Variants in AMMECR1 observed in about 807,000 individuals in gnomAD.
The protein encoded by AMMECR1 is nuclear protein AMMECR1.
AMMECR1 carries 3 observed loss-of-function variants against 22.5 expected under a neutral mutation model. The ratio of observed to expected loss-of-function variants is 0.13; its 90% CI spans 0.06 to 0.35. The LOEUF is 0.35. Ranked by LOEUF, AMMECR1 falls within the 10% of genes least tolerant of loss-of-function variation. The pLI is 1.00. For missense variants in AMMECR1, 235 were observed against 278.7 expected (o/e 0.84, Z 1.12); for synonymous variants, 130 against 116.7 (o/e 1.11, Z -0.74).
intron 2 of AMMECR1, among the ~76,000 whole-genome samples, chrX:110,373,802 A>C (rs769242572): frequency 2.7e-5 from 3 of 111,938 alleles, no homozygotes; most frequent in Non-Finnish European, 5.6e-5. Flanking sequence ...ACACCAAATA[A>C]ATAGGCCAGA....
chrX:110,213,011 T>G (rs2067455356), intron 3 of AMMECR1, among the ~76,000 whole-genome samples: 2 of 112,390 alleles, frequency 1.8e-5, no homozygotes, highest in Admixed American at 1.9e-4. Context: ...TCTCATTATA[T>G]GTTTTTAATT....
intron 1 of AMMECR1, among the ~76,000 whole-genome samples, 175 bp from the exon 2 acceptor site, chrX:110,264,774 T>C (rs1378081007): frequency 8.9e-6 from 1 of 111,888 alleles, no homozygotes; most frequent in African/African-American, 3.2e-5. Context: ...TATATTATAC[T>C]ACTACTACAT....
intron 2 of AMMECR1, among the ~76,000 whole-genome samples, chrX:110,242,145 T>C (rs1033836835): frequency 9.0e-6 from 1 of 111,718 alleles, no homozygotes; most frequent in Non-Finnish European, 1.9e-5. Flanking sequence ...ACACAAAACT[T>C]GCACATCATC....
intron 3 of AMMECR1, among the ~76,000 whole-genome samples, chrX:110,212,126 T>A (rs762439910): frequency 8.9e-6 from 1 of 111,896 alleles, no homozygotes; most frequent in South Asian, 3.7e-4. Flanking sequence ...TCCTACTAAC[T>A]TCCATTATAA....
At chrX:110,319,941 A>G (rs2068072729), upstream of AMMECR1, among the ~76,000 whole-genome samples, 1 of 112,578 alleles carries the variant, frequency 8.9e-6, no homozygotes, top group South Asian at 3.7e-4. Context: ...TTTTATGGAA[A>G]GATTGAGAGA....
At chrX:110,272,098 C>G (rs1161051254) in intron 1 of AMMECR1, among the ~76,000 whole-genome samples, 1 of 109,598 alleles carries the variant, frequency 9.1e-6, no homozygotes, top group African/African-American at 3.3e-5. Context: ...CGCCTGTAGT[C>G]CCAGCTACTC....
intron 2 of AMMECR1, among the ~76,000 whole-genome samples, chrX:110,336,494 G>A (rs761935731): frequency 1.8e-5 from 2 of 110,513 alleles, no homozygotes; most frequent in Non-Finnish European, 1.9e-5. Flanking sequence ...GGCCAGCCTC[G>A]CCAACATGGT....
chrX:110,214,979 G>T (rs1430361276), intron 3 of AMMECR1, among the ~76,000 whole-genome samples: 1 of 111,537 alleles, frequency 9.0e-6, no homozygotes, highest in African/African-American at 3.3e-5. Flanking sequence ...TAGGGAACAT[G>T]ATTTGGGGCT....
chrX:110,372,737 C>T (rs1164326431), intron 2 of AMMECR1, among the ~76,000 whole-genome samples: 1 of 111,434 alleles, frequency 9.0e-6, no homozygotes, highest in African/African-American at 3.3e-5. Flanking sequence ...TGGCTGAGCT[C>T]CAGAAGCAAG....
At chrX:110,424,689 C>A (rs1157287347) in intron 2 of AMMECR1, among the ~76,000 whole-genome samples, 1 of 111,778 alleles carries the variant, frequency 8.9e-6, no homozygotes, top group African/African-American at 3.3e-5. Context: ...AGGCAAAAAA[C>A]CAAGCATGTA....
chrX:110,281,286 A>C (rs1472915829), intron 1 of AMMECR1, among the ~76,000 whole-genome samples: 1 of 112,177 alleles, frequency 8.9e-6, no homozygotes, highest in Non-Finnish European at 1.9e-5. Flanking sequence ...TGGTTCTTCA[A>C]AACTTTTAAA....
chrX:110,212,177 C>T (rs975821398), intron 3 of AMMECR1, among the ~76,000 whole-genome samples: 5 of 111,450 alleles, frequency 4.5e-5, no homozygotes, highest in African/African-American at 1.6e-4. Flanking sequence ...CCAAATAGAC[C>T]GAGTTAAAAA....
chrX:110,267,018 C>T (rs2067773109), intron 1 of AMMECR1, among the ~76,000 whole-genome samples: 1 of 111,420 alleles, frequency 9.0e-6, no homozygotes, highest in African/African-American at 3.3e-5. Context: ...AGGACATGAA[C>T]TCATCCTTTT....
chrX:110,367,806 A>T (rs1185292904), intron 2 of AMMECR1, among the ~76,000 whole-genome samples: 1 of 109,559 alleles, frequency 9.1e-6, no homozygotes, highest in Non-Finnish European at 1.9e-5. Flanking sequence ...TCAGCTGAAT[A>T]GTTAAAAATT....
At chrX:110,343,697 T>C (rs745801984) in intron 2 of AMMECR1, among the ~76,000 whole-genome samples, 1 of 110,451 alleles carries the variant, frequency 9.1e-6, no homozygotes, top group South Asian at 3.9e-4. Flanking sequence ...TACACACCAA[T>C]AACAGACAAG....
rs763298118 is a variant in AMMECR1 at position 110,311,164 on chromosome X, C to T, written c.473+6435G>A. On this transcript the variant is annotated intron_variant, in intron 1 of 5. Coordinates refer to ENST00000262844, the MANE Select transcript of AMMECR1 (RefSeq NM_015365.3). ...GCAAGGGGTGTGGTGGTGACAGCAA[C>T]GGGTTTAAGAACAACCAAGTAAGAC... Among the ~76,000 whole-genome samples, 29 of 111,477 alleles carry T rather than the reference C, an allele frequency of 2.6e-4. No individual in the cohort carries two copies. The South Asian group carries it at 2.6e-3, about 10-fold the overall frequency.
intron 2 of AMMECR1, among the ~76,000 whole-genome samples, chrX:110,396,480 C>T (rs2068529217): frequency 8.9e-6 from 1 of 112,121 alleles, no homozygotes. Context: ...TCAAACCATG[C>T]TCTTGAGCAC....
intron 2 of AMMECR1, among the ~76,000 whole-genome samples, chrX:110,386,426 C>T (rs2068455658): frequency 9.1e-6 from 1 of 109,646 alleles, no homozygotes; most frequent in South Asian, 3.8e-4. Context: ...ATTTGCATTT[C>T]TCTGATGGTT....
intron 1 of AMMECR1, among the ~76,000 whole-genome samples, chrX:110,294,821 C>T (rs1294981463): frequency 9.0e-6 from 1 of 110,514 alleles, no homozygotes; most frequent in African/African-American, 3.3e-5. Context: ...TACACTTGTC[C>T]TTAATGGCAA....
Sources: allele counts gnomAD v4.1 joint callset (sites outside exome capture counted in the v4.1 genomes callset), GRCh38; gene constraint gnomAD v4.1.1; transcripts MANE v1.5; gene names NCBI Gene and HGNC (gene_info 2026-07-23, HGNC 2026-07-21).